Variants in MFSD8 observed in about 807,000 individuals in gnomAD.
MFSD8 encodes major facilitator superfamily domain-containing protein 8.
MFSD8 carries 55 observed loss-of-function variants against 66.4 expected under a neutral mutation model. The observed-to-expected ratio is 0.83, with a 90% CI of 0.67 to 1.04. The LOEUF is 1.04. Among genes scored for constraint, MFSD8 ranks in the 50% least tolerant of loss-of-function variants. The pLI is 0.00. For synonymous variants in MFSD8, 202 were observed against 212.8 expected, an observed-to-expected ratio of 0.95 and a Z score of 0.44; for missense variants, 550 against 627.6, an observed-to-expected ratio of 0.88 and a Z score of 1.32.
intron 1 of MFSD8, among the ~76,000 whole-genome samples, chr4:127,958,376 A>G (rs1743224089): frequency 6.6e-6 from 1 of 152,228 alleles, no homozygotes; most frequent in African/African-American, 2.4e-5. Flanking sequence ...CATGCAGAAC[A>G]GACAAAATGC....
rs145648628 is a variant in MFSD8 at position 127,930,235 on chromosome 4, G to A, written c.998+448C>T. On this transcript the variant is annotated intron_variant, in intron 9 of 11. Coordinates refer to ENST00000641686, the MANE Select transcript of MFSD8 (RefSeq NM_001371596.2). ...AGTATGGGTAACAATACGAGACCTT[G>A]TCTCAAAAAAAAAAAGAGTGTTGTG... is the stretch of plus-strand genomic sequence containing the variant. 5.3e-3 allele frequency among the ~76,000 whole-genome samples: 804 copies of A among 151,080 alleles called. 9 individuals are homozygous for A. Among genetic ancestry groups the A allele is most frequent in the African/African-American group, 0.018 (762 of 41,230 alleles).
At chr4:127,941,555 G>T (rs1740198560) in intron 5 of MFSD8, among the ~76,000 whole-genome samples, 1 of 152,020 alleles carries the variant, frequency 6.6e-6, no homozygotes, top group African/African-American at 2.4e-5. Flanking sequence ...CTCTGCCTCC[G>T]AGTTCAAGCG....
At chr4:127,940,412 T>C (rs2148909372) in intron 5 of MFSD8, among the ~76,000 whole-genome samples, 1 of 151,788 alleles carries the variant, frequency 6.6e-6, no homozygotes, top group Middle Eastern at 3.4e-3. Context: ...ATTTAAATTA[T>C]ACAATTTCTT....
chr4:127,938,751 T>C, intron 7 of MFSD8, 32 bp downstream of exon 7: 1 of 1,555,568 alleles, frequency 6.4e-7, no homozygotes, highest in Non-Finnish European at 8.9e-7. Flanking sequence ...TTGATAATGT[T>C]ATATTAATTC....
rs1221449651 is a variant in MFSD8 at position 127,944,999 on chromosome 4, CT to C, written c.199-1008del. Among the ~76,000 whole-genome samples the C allele has an allele frequency of 2.6e-5, 4 of 152,220 alleles. No homozygotes were observed. The East Asian group carries it at 5.8e-4, about 22-fold the overall frequency. On this transcript the variant is annotated intron_variant, in intron 3 of 11. Transcript: ENST00000641686. ...TGAGCCACCGCACTCAGCCAGATTACTTTTTTTCATATGTGGTAGGCTAAGC... is the reference window on the plus strand; with the variant it reads ...TGAGCCACCGCACTCAGCCAGATTACTTTTTTCATATGTGGTAGGCTAAGC...
chr4:127,947,363 C>G (rs2148934530), intron 3 of MFSD8, among the ~76,000 whole-genome samples: 1 of 152,038 alleles, frequency 6.6e-6, no homozygotes, highest in Middle Eastern at 3.4e-3. Flanking sequence ...GGTGGACCAC[C>G]TGAGGTCAGG....
intron 5 of MFSD8, among the ~76,000 whole-genome samples, chr4:127,941,540 G>A (rs1449180967): frequency 6.6e-6 from 1 of 152,064 alleles, no homozygotes; most frequent in Non-Finnish European, 1.5e-5. Context: ...TCAGCTCACT[G>A]CAACCTCTGC....
chr4:127,944,364 T>C lies in MFSD8; in HGVS notation c.199-372A>G, dbSNP rs544324641. ...TAAATAGAATTCTTTAGACTTATGCTACCCTATACGTTAAACAGCCATTAG... is the reference window on the plus strand; with the variant it reads ...TAAATAGAATTCTTTAGACTTATGCCACCCTATACGTTAAACAGCCATTAG... On this transcript the variant is annotated intron_variant, in intron 3 of 11. Transcript: ENST00000641686. Among the ~76,000 whole-genome samples, 4 of 152,310 alleles carry C rather than the reference T, an allele frequency of 2.6e-5. No individual in the cohort carries two copies. In the South Asian group the frequency reaches 6.2e-4, roughly 24 times the overall value.
chr4:127,964,527 C>A (rs1744623971), intron 1 of MFSD8: 1 of 169,710 alleles, frequency 5.9e-6, no homozygotes, highest in African/African-American at 2.4e-5. Context: ...GCCTGCTGCT[C>A]CCAGTGCGGG....
At chr4:127,954,570 AGTGCC>A (rs1742546498) in intron 2 of MFSD8, among the ~76,000 whole-genome samples, 1 of 152,234 alleles carries the variant, frequency 6.6e-6, no homozygotes, top group Non-Finnish European at 1.5e-5. Context: ...GAGCCGAGAT[AGTGCC>A]ATTGCACTCC....
At chr4:127,926,381 A>C (rs1226306353) in intron 9 of MFSD8, among the ~76,000 whole-genome samples, 1 of 104,802 alleles carries the variant, frequency 9.5e-6, no homozygotes, top group African/African-American at 3.4e-5. Context: ...ACTTCCTCAT[A>C]TATACCTTCC....
chr4:127,925,580 C>T (rs547913696), intron 9 of MFSD8, among the ~76,000 whole-genome samples: 16 of 152,262 alleles, frequency 1.1e-4, no homozygotes, highest in African/African-American at 2.4e-4. Context: ...ATTAAAAAGT[C>T]GGGGAACAAC....
intron 5 of MFSD8, among the ~76,000 whole-genome samples, chr4:127,940,421 T>C: frequency 6.6e-6 from 1 of 151,484 alleles, no homozygotes; most frequent in East Asian, 1.9e-4. Context: ...ATACAATTTC[T>C]TCCAAAAATT....
chr4:127,930,952 G>A (rs969051267), intron 8 of MFSD8, 135 bp from the exon 9 acceptor site: 4 of 807,480 alleles, frequency 5.0e-6, no homozygotes, highest in Non-Finnish European at 1.8e-6. Flanking sequence ...ACAGACCTAA[G>A]CAAAAGTTTG....
chr4:127,961,817 T>A (rs1481915821), intron 1 of MFSD8, among the ~76,000 whole-genome samples: 2 of 77,128 alleles, frequency 2.6e-5, no homozygotes, highest in South Asian at 6.1e-4. Flanking sequence ...CGAGACTCCG[T>A]CTCAAAAAAA....
chr4:127,938,782 C>G lies in MFSD8; in HGVS notation c.754+1G>C, dbSNP rs868732642. ...AATTCAGCCAAATGGGTTAAAAGTA[C>G]CTTCTTCAAAATTAATACTTTTACA... On this transcript the variant is annotated splice_donor_variant, in intron 7 of 11. Transcript: ENST00000641686. LOFTEE classifies it high-confidence loss of function. 6.2e-7 allele frequency: 1 copy of G among 1,606,360 alleles called. No homozygotes were observed. Among genetic ancestry groups the G allele is most frequent in the Middle Eastern group, 1.7e-4 (1 of 6,030 alleles).
intron 2 of MFSD8, among the ~76,000 whole-genome samples, chr4:127,951,173 A>T (rs980180736): frequency 6.6e-6 from 1 of 152,140 alleles, no homozygotes; most frequent in Non-Finnish European, 1.5e-5. Context: ...TTTTAATATA[A>T]TCACAATGGG....
rs143040731 is a variant in MFSD8, at chr4:127,927,634, A to C, written c.998+3049T>G. On this transcript the variant is annotated intron_variant, in intron 9 of 11. Transcript: ENST00000641686. ...CACCATAGACTATATGACTGAACTT[A>C]ATTTTACACAAGCATTTCCCTAAAA... 2.5e-3 allele frequency among the ~76,000 whole-genome samples: 374 copies of C among 152,358 alleles called. 2 individuals carry two copies. Among genetic ancestry groups the C allele is most frequent in the African/African-American group, 8.4e-3 (349 of 41,586 alleles).
chr4:127,938,907 C>T (rs1391959861), intron 6 of MFSD8, 69 bp from the exon 7 acceptor site: 13 of 1,237,430 alleles, frequency 1.1e-5, no homozygotes, highest in Middle Eastern at 2.1e-4. Context: ...AATTTATTAT[C>T]GGCATTGTAT....
Sources: gnomAD v4.1 joint callset for allele counts (sites outside exome capture counted in the v4.1 genomes callset) on GRCh38, gnomAD v4.1.1 for gene constraint, MANE v1.5 for transcripts, NCBI Gene and HGNC (gene_info 2026-07-23, HGNC 2026-07-21) for gene names.